Variants in ESRRB observed in about 807,000 individuals in gnomAD.
ESRRB encodes steroid hormone receptor ERR2.
In ESRRB, 16 loss-of-function variants were observed where a neutral mutation model predicts 46.0. The observed-to-expected ratio is 0.35, with a 90% CI of 0.24 to 0.53. ESRRB has a LOEUF of 0.53. Ranked by LOEUF, ESRRB falls within the 20% of genes least tolerant of loss-of-function variation. ESRRB has a pLI of 0.93. For missense variants in ESRRB, 488 were observed against 607.4 expected, an observed-to-expected ratio of 0.80 and a Z score of 2.07; for synonymous variants, 246 against 259.6, an observed-to-expected ratio of 0.95 and a Z score of 0.50.
chr14:76,422,588 G>C (rs1450532219), intron 1 of ESRRB, among the ~76,000 whole-genome samples: 1 of 152,158 alleles, frequency 6.6e-6, no homozygotes, highest in Non-Finnish European at 1.5e-5. Flanking sequence ...TGCTGTGGCT[G>C]CCAGGACCTG....
chr14:76,355,164 AG>A (rs367869445), intron 1 of ESRRB, among the ~76,000 whole-genome samples: 35 of 152,262 alleles, frequency 2.3e-4, no homozygotes, highest in African/African-American at 8.2e-4. Flanking sequence ...TGCAGTCTGA[AG>A]CCGGGGCCAG....
upstream of ESRRB, among the ~76,000 whole-genome samples, chr14:76,367,582 C>T (rs934575520): frequency 1.3e-5 from 2 of 151,286 alleles, no homozygotes; most frequent in Admixed American, 6.6e-5. Context: ...AATCACGCCA[C>T]GAAGCAGTAC....
At chr14:76,426,885 A>G (rs1292433949) in intron 1 of ESRRB, among the ~76,000 whole-genome samples, 3 of 152,190 alleles carry the variant, frequency 2.0e-5, no homozygotes, top group African/African-American at 7.2e-5. Flanking sequence ...CAAACAAACA[A>G]AAAAATTGTT....
intron 3 of ESRRB, among the ~76,000 whole-genome samples, chr14:76,475,366 C>T (rs1889538522): frequency 7.2e-6 from 1 of 139,636 alleles, no homozygotes; most frequent in South Asian, 2.4e-4. Context: ...AAGACCTTGC[C>T]TCGAAAAAAA....
At chr14:76,328,008 C>T (rs555255991) in intron 1 of ESRRB, among the ~76,000 whole-genome samples, 1 of 152,160 alleles carries the variant, frequency 6.6e-6, no homozygotes, top group Admixed American at 6.5e-5. Flanking sequence ...GCCACTGTGC[C>T]CGGCCATACC....
chr14:76,367,416 A>C (rs1045232584), upstream of ESRRB, among the ~76,000 whole-genome samples: 1 of 151,930 alleles, frequency 6.6e-6, no homozygotes, highest in Non-Finnish European at 1.5e-5. Flanking sequence ...AATTAGCTGG[A>C]TGTGGTGGCA....
At chr14:76,313,857 G>T (rs1463209842) in intron 1 of ESRRB, among the ~76,000 whole-genome samples, 1 of 151,954 alleles carries the variant, frequency 6.6e-6, no homozygotes, top group Non-Finnish European at 1.5e-5. Context: ...TTTCTATCTG[G>T]CACAGAAAAT....
At chr14:76,351,263 T>C (rs567515803) in intron 1 of ESRRB, among the ~76,000 whole-genome samples, 6 of 152,320 alleles carry the variant, frequency 3.9e-5, no homozygotes, top group Admixed American at 6.5e-5. Context: ...TAAAAATAAA[T>C]AAATGTATTG....
intron 1 of ESRRB, among the ~76,000 whole-genome samples, chr14:76,419,643 G>A (rs980589734): frequency 5.3e-5 from 8 of 152,256 alleles, no homozygotes; most frequent in South Asian, 2.1e-4. Flanking sequence ...TGAGGATGGC[G>A]GGGAGGTTGT....
chr14:76,387,756 T>C (rs1885298371), intron 1 of ESRRB, among the ~76,000 whole-genome samples: 1 of 152,196 alleles, frequency 6.6e-6, no homozygotes, highest in Non-Finnish European at 1.5e-5. Context: ...GTTCAGATGC[T>C]CTTCTCCAAG....
intron 1 of ESRRB, among the ~76,000 whole-genome samples, chr14:76,411,305 G>A (rs977054575): frequency 1.1e-4 from 16 of 151,870 alleles, no homozygotes; most frequent in Non-Finnish European, 1.6e-4. Context: ...AAAATTAGCC[G>A]GGCATGGTGG....
intron 1 of ESRRB, among the ~76,000 whole-genome samples, chr14:76,413,876 C>A (rs1316439314): frequency 7.4e-6 from 1 of 135,802 alleles, no homozygotes; most frequent in African/African-American, 2.8e-5. Flanking sequence ...ACCCCTGCAC[C>A]GTCCCCCGCC....
intron 1 of ESRRB, among the ~76,000 whole-genome samples, chr14:76,432,567 G>A (rs889263414): frequency 1.3e-5 from 2 of 151,910 alleles, no homozygotes; most frequent in Admixed American, 6.6e-5. Flanking sequence ...GGTTTGGGGG[G>A]TAAAGAGGGC....
chr14:76,401,693 T>C (rs935341), intron 1 of ESRRB, among the ~76,000 whole-genome samples: 1 of 151,960 alleles, frequency 6.6e-6, no homozygotes, highest in African/African-American at 2.4e-5. Flanking sequence ...CTAGGAGCAA[T>C]AGGCTTTACC....
Position 76,343,638 on chromosome 14 carries a change from G to A in ESRRB, c.2+32722G>A, listed in dbSNP as rs147680791. The stretch of plus-strand genomic sequence containing the variant: ...GCCAGGGGCCTCAGTTCTTCTCCAC[G>A]TGGGCCCCTCCACGGGGCTGCTTGG... On this transcript the variant is annotated intron_variant, in intron 1 of 6. Transcript: ENST00000512784. Among the ~76,000 whole-genome samples the A allele has an allele frequency of 3.5e-3, 533 of 152,332 alleles. 2 individuals are homozygous for A. The highest frequency in any genetic ancestry group is 6.8e-3 in the Middle Eastern group (2 of 294).
chr14:76,404,625 C>A (rs916534359), intron 1 of ESRRB, among the ~76,000 whole-genome samples: 5 of 152,198 alleles, frequency 3.3e-5, no homozygotes, highest in Admixed American at 2.6e-4. Context: ...TTTATTGTTT[C>A]TGCCTCCTTT....
rs748476601 is a variant in ESRRB, at chr14:76,498,736, G to A, written c.*278G>A. ...ATGGACGGTGCGGAGGCCTGGGCCAGGGCTGACTCCCTTCAGGAGTGGAGG... is the reference window on the plus strand; with the variant it reads ...ATGGACGGTGCGGAGGCCTGGGCCAAGGCTGACTCCCTTCAGGAGTGGAGG... On this transcript the variant is annotated 3_prime_UTR_variant, in exon 7 of 7. Coordinates refer to ENST00000644823, the MANE Select transcript of ESRRB (RefSeq NM_001379180.1). 3.8e-6 allele frequency: 4 copies of A among 1,048,428 alleles called. No individual in the cohort carries two copies. The highest frequency in any genetic ancestry group is 5.7e-6 in the Non-Finnish European group (4 of 701,446). The allele number at this position is 1,048,428 out of a possible 1,614,324, so 64.9% of individuals were successfully genotyped here.
At chr14:76,430,195 T>C (rs1887382364) in intron 1 of ESRRB, among the ~76,000 whole-genome samples, 1 of 152,198 alleles carries the variant, frequency 6.6e-6, no homozygotes, top group African/African-American at 2.4e-5. Flanking sequence ...AGTTACAGTA[T>C]AGTAGTTCTA....
At chr14:76,446,380 TTG>T (rs1888149055) in intron 2 of ESRRB, among the ~76,000 whole-genome samples, 2 of 150,352 alleles carry the variant, frequency 1.3e-5, no homozygotes, top group African/African-American at 2.5e-5. Flanking sequence ...TTTTTTTTTT[TTG>T]TTTTGTTTTT....
Sources: allele counts gnomAD v4.1 joint callset (sites outside exome capture counted in the v4.1 genomes callset), GRCh38; gene constraint gnomAD v4.1.1; transcripts MANE v1.5; gene names NCBI Gene and HGNC (gene_info 2026-07-23, HGNC 2026-07-21).